MYO18A: variants seen among roughly 807,000 people sequenced by gnomAD.
MYO18A encodes the protein myosin XVIIIA, also known as unconventional myosin-XVIIIa.
MYO18A carries 78 observed loss-of-function variants against 235.8 expected under a neutral mutation model. The observed-to-expected ratio is 0.33, with a 90% CI of 0.28 to 0.40. MYO18A has a LOEUF of 0.40. Ranked by LOEUF, MYO18A falls within the 10% of genes least tolerant of loss-of-function variation. MYO18A has a pLI of 1.00. For synonymous variants in MYO18A, 977 were observed against 1,077.8 expected, an observed-to-expected ratio of 0.91 and a Z score of 1.83; for missense variants, 2,215 against 2,699.3, an observed-to-expected ratio of 0.82 and a Z score of 3.98.
chr17:29,091,022 T>C (rs2066385883), intron 34 of MYO18A, 96 bp from the exon 35 acceptor site: 1 of 992,226 alleles, frequency 1.0e-6, no homozygotes. Flanking sequence ...GAGAAGATGA[T>C]AATGGGCTGA....
intron 2 of MYO18A, among the ~76,000 whole-genome samples, chr17:29,162,015 G>T (rs2068184907): frequency 6.6e-6 from 1 of 152,106 alleles, no homozygotes; most frequent in Admixed American, 6.5e-5. Context: ...TACTCTGGCG[G>T]TCACATGACC....
intron 28 of MYO18A, among the ~76,000 whole-genome samples, chr17:29,095,539 C>T (rs1392684432): frequency 6.6e-6 from 1 of 152,236 alleles, no homozygotes; most frequent in African/African-American, 2.4e-5. Context: ...GACCACGCAC[C>T]CCAGCAGTGC....
intron 2 of MYO18A, among the ~76,000 whole-genome samples, chr17:29,153,515 G>A (rs963468140): frequency 1.3e-5 from 2 of 152,208 alleles, no homozygotes; most frequent in African/African-American, 4.8e-5. Flanking sequence ...ATTTGCCCAA[G>A]GTCACTCAGC....
chr17:29,116,613 G>GCACACACA (rs144361514), intron 10 of MYO18A, among the ~76,000 whole-genome samples, 158 bp from the exon 11 acceptor site: 2,229 of 144,910 alleles, frequency 0.015, 74 homozygotes, highest in African/African-American at 0.055. Flanking sequence ...TGGGACAAAC[G>GCACACACA]CACACACACA....
At chr17:29,091,099 A>G in intron 34 of MYO18A, 173 bp from the exon 35 acceptor site, 7 of 593,958 alleles carry the variant, frequency 1.2e-5, no homozygotes, top group Non-Finnish European at 1.8e-5. Context: ...GCTCTGGACC[A>G]GGGAGATGAG....
chr17:29,176,331 G>A (rs2068525816), intron 1 of MYO18A, among the ~76,000 whole-genome samples: 1 of 151,976 alleles, frequency 6.6e-6, no homozygotes. Context: ...GTTCACTGGT[G>A]TCTTGTGGCT....
At chr17:29,135,866 G>A (rs2067585011) in intron 2 of MYO18A, among the ~76,000 whole-genome samples, 3 of 152,212 alleles carry the variant, frequency 2.0e-5, no homozygotes, top group South Asian at 4.1e-4. Flanking sequence ...ATGCTTGAGG[G>A]GGTAGAGACC....
At chr17:29,103,777 T>G in intron 20 of MYO18A, 113 bp from the exon 21 acceptor site, 1 of 967,180 alleles carries the variant, frequency 1.0e-6, no homozygotes, top group Non-Finnish European at 1.6e-6. Flanking sequence ...CTGTTATTCA[T>G]GCACTTGCGT....
intron 39 of MYO18A, among the ~76,000 whole-genome samples, chr17:29,085,877 C>T (rs1234486066): frequency 1.3e-5 from 2 of 152,194 alleles, no homozygotes; most frequent in African/African-American, 4.8e-5. Flanking sequence ...CCCTGCGCTG[C>T]CCCAGACCTG....
At chr17:29,107,059 G>A (rs376181086) in intron 20 of MYO18A, 21 bp downstream of exon 20, 55 of 1,607,920 alleles carry the variant, frequency 3.4e-5, no homozygotes, top group South Asian at 8.8e-5. Context: ...GAGGGAGAGC[G>A]GTCTGGGGAC....
chr17:29,079,766 T>G (rs993233019), intron 41 of MYO18A: 1 of 986,054 alleles, frequency 1.0e-6, no homozygotes, highest in East Asian at 1.1e-4. Context: ...TACCGCATCA[T>G]CAGGCTGTCC....
chr17:29,090,299 A>G lies in MYO18A; in HGVS notation c.5389-201T>C. On this transcript the variant is annotated intron_variant, in intron 36 of 41. Coordinates refer to ENST00000527372, the MANE Select transcript of MYO18A (RefSeq NM_078471.4). Reference sequence around the variant, plus strand: ...GGCACAGAGATTGCCCTTCAGAGAGAAAGGAGAAAGCTAAGGATCGGAGAG... The same window carrying G: ...GGCACAGAGATTGCCCTTCAGAGAGGAAGGAGAAAGCTAAGGATCGGAGAG... 1.0e-5 allele frequency: 7 copies of G among 699,196 alleles called. No homozygotes were observed. In the South Asian group the frequency reaches 1.4e-4, roughly 14 times the overall value. 43.3% of individuals were successfully genotyped at this position (699,196 alleles called of 1,614,324 possible).
chr17:29,094,850 C>G lies in MYO18A; in HGVS notation c.4510G>C (p.Glu1504Gln). The G allele has an allele frequency of 2.5e-6, 4 of 1,614,018 alleles. No individual in the cohort carries two copies. The highest frequency in any genetic ancestry group is 3.4e-6 in the Non-Finnish European group (4 of 1,179,898). The change falls in exon 30 of 42, where the codon GAA becomes CAA. Residue 1504 changes from glutamate to glutamine, a missense_variant and splice_region_variant. By Grantham distance (29) the Glu-to-Gln change is conservative (BLOSUM62 2). Transcript: ENST00000527372. The stretch of plus-strand genomic sequence containing the variant: ...AACCCTGCAATGTCCATGTCTTTTT[C>G]CTGGAGCAAAAGAGATGAGGCTGGT... ...EAFSLKQQLE[E>Q]KDMDIAGFTQ...
intron 2 of MYO18A, among the ~76,000 whole-genome samples, chr17:29,151,706 G>GT (rs2067967404): frequency 6.6e-6 from 1 of 152,216 alleles, no homozygotes; most frequent in Non-Finnish European, 1.5e-5. Flanking sequence ...CCAAGCACGA[G>GT]TAAGACATCT....
At chr17:29,083,992 T>C (rs1366310808) in intron 40 of MYO18A, among the ~76,000 whole-genome samples, 1 of 152,254 alleles carries the variant, frequency 6.6e-6, no homozygotes, top group Non-Finnish European at 1.5e-5. Flanking sequence ...TCATTAAGGT[T>C]ATGGCAATAA....
At position 29,098,138 on chromosome 17, in the gene MYO18A, C is replaced by T. The variant is rs770621539; in HGVS notation, c.3957G>A (p.Arg1319=). The change falls in exon 25 of 42, where the codon AGG becomes AGA. Residue 1319 remains arginine (R), a synonymous_variant. Coordinates refer to ENST00000527372, the MANE Select transcript of MYO18A (RefSeq NM_078471.4). ...CCTTCATCTCCTTCTCAGCCCGGAG[C>T]CTCTCTGCTGTCTCCGCGTCCAGCA... is the stretch of plus-strand genomic sequence containing the variant. ...SQLLDAETAE[R]LRAEKEMKEL... The T allele has an allele frequency of 7.4e-6, 12 of 1,613,706 alleles. No homozygotes were observed. The African/African-American group carries it at 8.0e-5, about 11-fold the overall frequency.
intron 14 of MYO18A, 23 bp downstream of exon 14, chr17:29,114,884 T>G (rs923236688): frequency 3.7e-5 from 60 of 1,600,574 alleles, no homozygotes; most frequent in Non-Finnish European, 4.9e-5. Flanking sequence ...TGAGGCTAGA[T>G]GAGGCCCAGG....
chr17:29,083,080 C>T (rs1412677634), intron 40 of MYO18A, among the ~76,000 whole-genome samples: 2 of 113,048 alleles, frequency 1.8e-5, no homozygotes, highest in Non-Finnish European at 3.4e-5. Context: ...GGAAAAGGGG[C>T]GGGGGGCGGG....
intron 2 of MYO18A, among the ~76,000 whole-genome samples, chr17:29,149,881 A>G (rs1459335593): frequency 6.6e-6 from 1 of 152,222 alleles, no homozygotes; most frequent in African/African-American, 2.4e-5. Context: ...TCCTAAATGT[A>G]CCACATGCAC....
Sources: allele counts gnomAD v4.1 joint callset (sites outside exome capture counted in the v4.1 genomes callset), GRCh38; gene constraint gnomAD v4.1.1; transcripts MANE v1.5; gene names NCBI Gene and HGNC (gene_info 2026-07-23, HGNC 2026-07-21).